Variants in GPC5 observed in about 807,000 individuals in gnomAD.
GPC5 encodes glypican 5, also known as glypican-5.
In GPC5, 47 loss-of-function variants were observed where a neutral mutation model predicts 53.9. The observed-to-expected ratio is 0.87, with a 90% confidence interval of 0.69 to 1.11. The LOEUF (loss-of-function observed/expected upper bound fraction) is 1.11. Ranked by LOEUF, GPC5 falls within the 50% of genes most tolerant of loss-of-function variation. GPC5 has a pLI of 0.00. For missense variants in GPC5, 748 were observed against 713.1 expected, an observed-to-expected ratio of 1.05 and a Z score of -0.56; for synonymous variants, 286 against 263.3, an observed-to-expected ratio of 1.09 and a Z score of -0.84.
At chr13:91,789,286 A>C (rs2037926857) in intron 5 of GPC5, among the ~76,000 whole-genome samples, 1 of 152,226 alleles carries the variant, frequency 6.6e-6, no homozygotes, top group African/African-American at 2.4e-5. Flanking sequence ...GTGAATAAGA[A>C]AGTTAATATG....
At chr13:91,878,010 G>A (rs1594635512) in intron 5 of GPC5, among the ~76,000 whole-genome samples, 1 of 152,112 alleles carries the variant, frequency 6.6e-6, no homozygotes, top group Non-Finnish European at 1.5e-5. Context: ...CCATTGCCAT[G>A]TGAGAAGTGC....
chr13:92,344,166 A>G (rs528555735), intron 7 of GPC5, among the ~76,000 whole-genome samples: 2 of 152,286 alleles, frequency 1.3e-5, no homozygotes, highest in South Asian at 4.1e-4. Flanking sequence ...GGAAAGCCTC[A>G]GGAAACCTAT....
chr13:92,847,791 G>A lies in GPC5; in HGVS notation c.1562-18491G>A, dbSNP rs149479924. The stretch of plus-strand genomic sequence containing the variant: ...GTTCTATAGGATTTTTTTATTCAAC[G>A]TGTATCAAGTGCTAACTATATAGGG... On this transcript the variant is annotated intron_variant, in intron 7 of 7. Coordinates refer to ENST00000377067, the MANE Select transcript of GPC5 (RefSeq NM_004466.6). 3.4e-3 allele frequency among the ~76,000 whole-genome samples: 523 copies of A among 152,138 alleles called. 1 individual carries two copies. Among genetic ancestry groups the A allele is most frequent in the Non-Finnish European group, 5.9e-3 (398 of 68,008 alleles).
chr13:91,408,851 A>G (rs1877516403), intron 1 of GPC5, among the ~76,000 whole-genome samples: 1 of 152,102 alleles, frequency 6.6e-6, no homozygotes, highest in Admixed American at 6.5e-5. Context: ...CTTCGCAGCT[A>G]TTTTGTTAGT....
At chr13:92,151,385 CA>C (rs2041906460) in intron 7 of GPC5, among the ~76,000 whole-genome samples, 2 of 151,956 alleles carry the variant, frequency 1.3e-5, no homozygotes, top group Non-Finnish European at 2.9e-5. Flanking sequence ...TTATGAAGAG[CA>C]AAAATGTACA....
intron 7 of GPC5, among the ~76,000 whole-genome samples, chr13:92,193,039 T>G (rs2139050262): frequency 1.3e-5 from 2 of 152,094 alleles, no homozygotes; most frequent in South Asian, 4.2e-4. Flanking sequence ...GCTGGGTGTG[T>G]TGGCGAGTGC....
intron 6 of GPC5, among the ~76,000 whole-genome samples, chr13:91,917,968 C>G (rs1053353266): frequency 6.6e-6 from 1 of 152,230 alleles, no homozygotes; most frequent in Non-Finnish European, 1.5e-5. Flanking sequence ...CGCCTCACTA[C>G]CTTGGTACCA....
At chr13:92,811,048 G>T (rs1332393203) in intron 7 of GPC5, among the ~76,000 whole-genome samples, 1 of 151,818 alleles carries the variant, frequency 6.6e-6, no homozygotes, top group Non-Finnish European at 1.5e-5. Context: ...TTTCATCCAT[G>T]TATCAGAACT....
At chr13:91,706,988 G>C (rs993339488) in intron 3 of GPC5, among the ~76,000 whole-genome samples, 1 of 151,696 alleles carries the variant, frequency 6.6e-6, no homozygotes, top group African/African-American at 2.4e-5. Context: ...TAGAAAACTG[G>C]AAAAAACTAT....
intron 7 of GPC5, among the ~76,000 whole-genome samples, chr13:92,772,845 C>T (rs560266925): frequency 4.3e-4 from 65 of 152,096 alleles, no homozygotes; most frequent in Non-Finnish European, 3.8e-4. Flanking sequence ...TTGACATATA[C>T]TCTGCCAAAT....
intron 6 of GPC5, among the ~76,000 whole-genome samples, chr13:92,129,339 GTA>G (rs1370194844): frequency 1.3e-5 from 2 of 152,194 alleles, no homozygotes; most frequent in African/African-American, 4.8e-5. Context: ...ATCTCTGATT[GTA>G]TTGATAATGA....
intron 2 of GPC5, among the ~76,000 whole-genome samples, chr13:91,612,038 G>A (rs1379187861): frequency 6.6e-6 from 1 of 152,182 alleles, no homozygotes; most frequent in Non-Finnish European, 1.5e-5. Context: ...GACAGGAGAA[G>A]CCTATCTGTT....
intron 2 of GPC5, among the ~76,000 whole-genome samples, chr13:91,617,110 A>C (rs1313121069): frequency 6.6e-6 from 1 of 152,144 alleles, no homozygotes; most frequent in Non-Finnish European, 1.5e-5. Flanking sequence ...CAGTTATTGA[A>C]TGTCTGTTAC....
chr13:92,616,602 G>T (rs35069870), intron 7 of GPC5, among the ~76,000 whole-genome samples: 24,779 of 152,114 alleles, frequency 0.16, 2,481 homozygotes, highest in Non-Finnish European at 0.23. Flanking sequence ...GAACCGTGTT[G>T]TTACACTACC....
At chr13:92,668,435 A>G (rs569139171) in intron 7 of GPC5, among the ~76,000 whole-genome samples, 51 of 152,292 alleles carry the variant, frequency 3.3e-4, no homozygotes, top group African/African-American at 1.2e-3. Flanking sequence ...AAACCTTCTC[A>G]CTATTCAGTT....
chr13:92,551,243 C>T (rs1330191671), intron 7 of GPC5, among the ~76,000 whole-genome samples: 1 of 151,330 alleles, frequency 6.6e-6, no homozygotes, highest in African/African-American at 2.4e-5. Flanking sequence ...CCCTCCCTCA[C>T]CTAAACTATG....
Position 92,629,169 on chromosome 13 carries a change from T to C in GPC5, c.1562-237113T>C, listed in dbSNP as rs551062692. ...AAGTACCCTGAATTTCTACCAGGAT[T>C]CTTTTGGAGCTTACCTCACTTAGTT... On this transcript the variant is annotated intron_variant, in intron 7 of 7. Coordinates refer to ENST00000377067, the MANE Select transcript of GPC5 (RefSeq NM_004466.6). 3.3e-5 allele frequency among the ~76,000 whole-genome samples: 5 copies of C among 152,318 alleles called. No individual in the cohort carries two copies. In the South Asian group the frequency reaches 8.3e-4, roughly 25 times the overall value.
intron 6 of GPC5, among the ~76,000 whole-genome samples, chr13:92,029,148 T>C (rs922223171): frequency 6.6e-6 from 1 of 152,160 alleles, no homozygotes; most frequent in Non-Finnish European, 1.5e-5. Flanking sequence ...TTAGAAATCA[T>C]TACACAGGTA....
At chr13:92,320,666 T>C (rs79193000) in intron 7 of GPC5, among the ~76,000 whole-genome samples, 2,699 of 152,218 alleles carry the variant, frequency 0.018, 91 homozygotes, top group African/African-American at 0.062. Flanking sequence ...TTGTCTAAAG[T>C]CTCTCTTTCT....
Sources: allele counts gnomAD v4.1 joint callset (sites outside exome capture counted in the v4.1 genomes callset), GRCh38; gene constraint gnomAD v4.1.1; transcripts MANE v1.5; gene names NCBI Gene and HGNC (gene_info 2026-07-23, HGNC 2026-07-21).